The following PLCXD3 variants were observed in gnomAD, a reference collection of about 807,000 sequenced individuals.
PLCXD3 encodes PI-PLC X domain-containing protein 3.
A neutral mutation model predicts 25.5 loss-of-function variants in PLCXD3; 19 were observed. The observed-to-expected ratio is 0.75, with a 90% confidence interval of 0.52 to 1.09. The LOEUF (loss-of-function observed/expected upper bound fraction) is 1.09. Ranked by LOEUF, PLCXD3 falls within the 50% of genes least tolerant of loss-of-function variation. The probability of loss-of-function intolerance (pLI) is 0.00; values close to 1 mark genes in which losing one functional copy is unlikely to be tolerated. For synonymous variants in PLCXD3, 174 were observed against 137.6 expected, an observed-to-expected ratio of 1.26 and a Z score of -1.85; for missense variants, 411 against 388.1, an observed-to-expected ratio of 1.06 and a Z score of -0.50.
chr5:41,383,286 A>G (rs1314849041), intron 1 of PLCXD3, among the ~76,000 whole-genome samples: 3 of 152,118 alleles, frequency 2.0e-5, no homozygotes, highest in Admixed American at 2.0e-4. Context: ...TTTTCTCTCA[A>G]CAGCATAAAC....
chr5:41,431,600 A>G (rs775901666), intron 1 of PLCXD3, among the ~76,000 whole-genome samples: 26 of 152,202 alleles, frequency 1.7e-4, no homozygotes, highest in Non-Finnish European at 3.2e-4. Flanking sequence ...TTGCTTATGT[A>G]TATATATCAC....
chr5:41,419,833 T>C (rs1427159801), intron 1 of PLCXD3, among the ~76,000 whole-genome samples: 1 of 152,276 alleles, frequency 6.6e-6, no homozygotes, highest in South Asian at 2.1e-4. Flanking sequence ...GATGATTAAA[T>C]GAGGTAATAC....
chr5:41,472,988 A>G (rs1339202691), intron 1 of PLCXD3, among the ~76,000 whole-genome samples: 1 of 152,234 alleles, frequency 6.6e-6, no homozygotes, highest in Non-Finnish European at 1.5e-5. Context: ...CTAATCCAAA[A>G]TAATAAATAA....
chr5:41,452,835 G>T (rs1747666896), intron 1 of PLCXD3, among the ~76,000 whole-genome samples: 1 of 151,808 alleles, frequency 6.6e-6, no homozygotes, highest in Admixed American at 6.6e-5. Context: ...CTCAAAAACG[G>T]TACCACATTC....
At chr5:41,317,481 C>A (rs1487383294) in intron 2 of PLCXD3, among the ~76,000 whole-genome samples, 2 of 152,038 alleles carry the variant, frequency 1.3e-5, no homozygotes, top group African/African-American at 4.8e-5. Context: ...AGCATCAACA[C>A]CATCTGGGGA....
At chr5:41,504,184 A>G (rs1749010964) in intron 1 of PLCXD3, among the ~76,000 whole-genome samples, 1 of 152,130 alleles carries the variant, frequency 6.6e-6, no homozygotes, top group Non-Finnish European at 1.5e-5. Flanking sequence ...TTTCCACTCT[A>G]GATTTGTCTA....
intron 1 of PLCXD3, among the ~76,000 whole-genome samples, chr5:41,387,114 G>A (rs1745661181): frequency 6.6e-6 from 1 of 151,938 alleles, no homozygotes; most frequent in Non-Finnish European, 1.5e-5. Context: ...TTAGTTTGCA[G>A]GCCACCAATC....
rs572262800 is a variant in PLCXD3 at position 41,400,252 on chromosome 5, G to C, written c.104-17718C>G. Among the ~76,000 whole-genome samples, 62 of 152,226 alleles carry C rather than the reference G, an allele frequency of 4.1e-4. 1 individual carries two copies. Among genetic ancestry groups the C allele is most frequent in the Admixed American group, 3.3e-3 (50 of 15,288 alleles). ...ACACTGTTGGTGGGAATGTAAATTA[G>C]TGCAACCACTATGGAGAACAGTTTG... On this transcript the variant is annotated intron_variant, in intron 1 of 2. Coordinates refer to ENST00000377801, the MANE Select transcript of PLCXD3 (RefSeq NM_001005473.3).
At chr5:41,412,454 C>T (rs913408075) in intron 1 of PLCXD3, among the ~76,000 whole-genome samples, 3 of 152,152 alleles carry the variant, frequency 2.0e-5, no homozygotes, top group Admixed American at 6.6e-5. Context: ...GTGACTTACA[C>T]CCTTTCTTTA....
At chr5:41,451,181 A>G (rs750541943) in intron 1 of PLCXD3, among the ~76,000 whole-genome samples, 14 of 152,098 alleles carry the variant, frequency 9.2e-5, no homozygotes, top group Admixed American at 2.6e-4. Context: ...CAAGGGCTTC[A>G]TACACCTCAA....
intron 1 of PLCXD3, among the ~76,000 whole-genome samples, chr5:41,480,049 C>T (rs1748364245): frequency 6.6e-6 from 1 of 152,090 alleles, no homozygotes; most frequent in African/African-American, 2.4e-5. Context: ...TTATGATTAT[C>T]AGTTGATATT....
intron 2 of PLCXD3, among the ~76,000 whole-genome samples, chr5:41,367,305 T>C (rs189356218): frequency 6.6e-6 from 1 of 152,334 alleles, no homozygotes; most frequent in East Asian, 1.9e-4. Flanking sequence ...GTGTCTATTG[T>C]TTCTTGACTT....
chr5:41,385,686 C>A (rs1272499769), intron 1 of PLCXD3, among the ~76,000 whole-genome samples: 1 of 152,056 alleles, frequency 6.6e-6, no homozygotes, highest in East Asian at 1.9e-4. Context: ...TTACATAGGA[C>A]AAACATGATG....
chr5:41,367,217 T>A lies in PLCXD3; in HGVS notation c.812+14609A>T, dbSNP rs925228617. ...TTAGGTCTTTGAAGAATTGACACAT[T>A]GTCTTCCACAATGGTTGAACTAATT... On this transcript the variant is annotated intron_variant, in intron 2 of 2. Coordinates refer to ENST00000377801, the MANE Select transcript of PLCXD3 (RefSeq NM_001005473.3). 2.6e-5 allele frequency among the ~76,000 whole-genome samples: 4 copies of A among 152,212 alleles called. No homozygotes were observed. In the South Asian group the frequency reaches 8.3e-4, roughly 32 times the overall value.
intron 1 of PLCXD3, among the ~76,000 whole-genome samples, chr5:41,415,483 G>T (rs903823577): frequency 1.3e-5 from 2 of 152,162 alleles, no homozygotes; most frequent in Admixed American, 6.5e-5. Context: ...ACTAAGAAAT[G>T]ACTCTCTTGT....
At chr5:41,508,543 T>C (rs540728086) in intron 1 of PLCXD3, among the ~76,000 whole-genome samples, 8 of 152,330 alleles carry the variant, frequency 5.3e-5, no homozygotes, top group Admixed American at 4.6e-4. Flanking sequence ...TCATGGGGTT[T>C]TAGAAGGATT....
chr5:41,328,461 A>G (rs1743696073), intron 2 of PLCXD3, among the ~76,000 whole-genome samples: 1 of 152,052 alleles, frequency 6.6e-6, no homozygotes, highest in Non-Finnish European at 1.5e-5. Flanking sequence ...ACTGGTGATG[A>G]GGCATTTGGG....
intron 2 of PLCXD3, among the ~76,000 whole-genome samples, chr5:41,365,321 T>C (rs1466802932): frequency 6.6e-6 from 1 of 152,174 alleles, no homozygotes; most frequent in African/African-American, 2.4e-5. Flanking sequence ...CAATGAAAGG[T>C]AAAGTTCAGA....
intron 1 of PLCXD3, among the ~76,000 whole-genome samples, chr5:41,397,052 C>A (rs1425376194): frequency 6.6e-6 from 1 of 152,144 alleles, no homozygotes. Flanking sequence ...CCCTACCATG[C>A]AGTAGAAAAG....
Sources: allele counts gnomAD v4.1 joint callset (sites outside exome capture counted in the v4.1 genomes callset), GRCh38; gene constraint gnomAD v4.1.1; transcripts MANE v1.5; gene names NCBI Gene and HGNC (gene_info 2026-07-23, HGNC 2026-07-21).